Variants in TANC1 observed in about 807,000 individuals in gnomAD.
TANC1 encodes the protein tetratricopeptide repeat, ankyrin repeat and coiled-coil containing 1.
In TANC1, 77 loss-of-function variants were observed where a neutral mutation model predicts 149.7. The ratio of observed to expected loss-of-function variants is 0.51; its 90% CI spans 0.43 to 0.62. The LOEUF (loss-of-function observed/expected upper bound fraction) is 0.62, where lower values mean the gene tolerates loss of function less well. Ranked by LOEUF, TANC1 falls within the 20% of genes least tolerant of loss-of-function variation. The pLI is 0.00. For missense variants in TANC1, 1,985 were observed against 2,321.8 expected (o/e 0.85, Z 2.98); for synonymous variants, 854 against 925.0 (o/e 0.92, Z 1.39).
intron 3 of TANC1, among the ~76,000 whole-genome samples, chr2:159,074,211 G>A (rs2043424691): frequency 6.6e-6 from 1 of 152,212 alleles, no homozygotes; most frequent in Non-Finnish European, 1.5e-5. Flanking sequence ...CCACAGTGCA[G>A]TGGGTAAAGG....
chr2:159,085,939 CAG>C (rs2044795694), intron 3 of TANC1, among the ~76,000 whole-genome samples: 1 of 152,170 alleles, frequency 6.6e-6, no homozygotes, highest in South Asian at 2.1e-4. Context: ...AGGAATGAAA[CAG>C]TATGTGAAGT....
intron 22 of TANC1, among the ~76,000 whole-genome samples, chr2:159,221,499 G>A (rs982393478): frequency 3.7e-4 from 57 of 152,198 alleles, no homozygotes; most frequent in Middle Eastern, 6.8e-3. Flanking sequence ...TACCCTTTCC[G>A]CAGGTCCCCC....
rs779179225 is a variant in TANC1 at position 159,230,425 on chromosome 2, G to C, written c.4999G>C (p.Gly1667Arg). The C allele has an allele frequency of 5.0e-6, 8 of 1,614,022 alleles. No individual in the cohort carries two copies. The highest frequency in any genetic ancestry group is 1.1e-5 in the South Asian group (1 of 91,082). ...PASLTSSGSS[G>R]SPSSSIKMSS... ...TTCCCTCACCAGCTCAGGCTCTTCT[G>C]GTTCTCCATCCAGCAGCATAAAGAT... Residue 1667 changes from glycine (G) to arginine (R), a missense_variant, in exon 27 of 27, where the codon GGT becomes CGT. This residue lies in a region of TANC1 where 920 missense variants were observed against 994.7 expected (regional missense o/e 0.92). Transcript: ENST00000263635. This position sits in a 1 kb window ranked among gnomAD's most constrained non-coding sequence, Gnocchi z 4.4.
At chr2:159,114,326 T>C (rs907507165) in intron 4 of TANC1, among the ~76,000 whole-genome samples, 2 of 152,204 alleles carry the variant, frequency 1.3e-5, no homozygotes, top group Admixed American at 6.5e-5. Context: ...AGAAATGATA[T>C]CAGTGGCCAG....
chr2:159,168,135 T>G lies in TANC1; in HGVS notation c.947-1115T>G, dbSNP rs1453654382. Among the ~76,000 whole-genome samples the G allele has an allele frequency of 2.6e-5, 4 of 152,204 alleles. No homozygotes were observed. The East Asian group carries it at 5.8e-4, about 22-fold the overall frequency. ...GTTGGGCTTAACCCATAAACCAAATTAGGTTAATTTTAGATTTTCCTCAAT... is the reference window on the plus strand; with the variant it reads ...GTTGGGCTTAACCCATAAACCAAATGAGGTTAATTTTAGATTTTCCTCAAT... On this transcript the variant is annotated intron_variant, in intron 8 of 26. Coordinates refer to ENST00000263635, the MANE Select transcript of TANC1 (RefSeq NM_033394.3).
chr2:159,035,305 T>C (rs2040098965), intron 2 of TANC1, among the ~76,000 whole-genome samples: 1 of 152,166 alleles, frequency 6.6e-6, no homozygotes. Flanking sequence ...ACCTCCTGTG[T>C]TTTAGGTTTC....
At chr2:159,154,470 G>A (rs1412612461) in intron 7 of TANC1, among the ~76,000 whole-genome samples, 1 of 152,146 alleles carries the variant, frequency 6.6e-6, no homozygotes, top group Admixed American at 6.5e-5. Flanking sequence ...CACTGCTTAG[G>A]AGGAGAAAGG....
In TANC1 at chr2:159,150,178, G is replaced by A. The variant is rs2052622121; in HGVS notation, c.496-192G>A. On this transcript the variant is annotated intron_variant, in intron 6 of 26. Transcript: ENST00000263635. ...CAAAGATACTGCTTTCTCAAAATTT[G>A]GAAGACCACATATACATTTATATAG... 8.9e-6 allele frequency: 4 copies of A among 447,486 alleles called. No homozygotes were observed. The South Asian group carries it at 2.3e-4, about 25-fold the overall frequency. The allele number at this position is 447,486 out of a possible 1,614,324, so 27.7% of individuals were successfully genotyped here.
At chr2:158,991,614 C>T (rs1296854231) in intron 1 of TANC1, among the ~76,000 whole-genome samples, 2 of 151,882 alleles carry the variant, frequency 1.3e-5, no homozygotes, top group Admixed American at 6.6e-5. Context: ...ATTAGCCAGG[C>T]GTGGTGGCGG....
At position 159,034,471 on chromosome 2, in the gene TANC1, G is replaced by A. The variant is rs544941985; in HGVS notation, c.-15-31425G>A. Among the ~76,000 whole-genome samples, 165 of 152,298 alleles carry A rather than the reference G, an allele frequency of 1.1e-3. 2 individuals are homozygous for A. In the South Asian group the frequency reaches 0.013, roughly 12 times the overall value. Reference sequence around the variant, plus strand: ...GGTCGGGTTTGAAAAGCGCCAGTGGGCCCTATTCCCAGAGATCCCGTTTCA... The same window carrying A: ...GGTCGGGTTTGAAAAGCGCCAGTGGACCCTATTCCCAGAGATCCCGTTTCA... On this transcript the variant is annotated intron_variant, in intron 2 of 26. Transcript: ENST00000263635.
chr2:159,044,371 G>C (rs2040880775), intron 2 of TANC1, among the ~76,000 whole-genome samples: 1 of 152,124 alleles, frequency 6.6e-6, no homozygotes. Flanking sequence ...CCAGGAGATT[G>C]AGGCTGCAGT....
chr2:159,105,587 C>T (rs1458697860), intron 4 of TANC1, among the ~76,000 whole-genome samples: 2 of 152,154 alleles, frequency 1.3e-5, no homozygotes, highest in Middle Eastern at 3.2e-3. Flanking sequence ...TATTGAGTCC[C>T]TCTATACCCC....
At chr2:158,990,240 T>TGG (rs2149270981) in intron 1 of TANC1, among the ~76,000 whole-genome samples, 1 of 152,198 alleles carries the variant, frequency 6.6e-6, no homozygotes, top group East Asian at 1.9e-4. Context: ...CCGGCCAAAA[T>TGG]GGGGATCATT....
At position 159,112,884 on chromosome 2, in the gene TANC1, A is replaced by AT. The variant is rs879621625; in HGVS notation, c.259+15062dup. The stretch of plus-strand genomic sequence containing the variant: ...GTGTAAGCCACCACACCCAGCCAGT[A>AT]TTTTTTTTTTTTAAGGTTGTGAAGT... On this transcript the variant is annotated intron_variant, in intron 4 of 26. Transcript: ENST00000263635. Among the ~76,000 whole-genome samples, 964 of 144,274 alleles carry AT rather than the reference A, an allele frequency of 6.7e-3. 5 individuals are homozygous for AT. Among genetic ancestry groups the AT allele is most frequent in the African/African-American group, 0.02 (771 of 39,446 alleles). The allele number at this position is 144,274 out of a possible 152,430, so 94.6% of individuals were successfully genotyped here.
Position 159,231,927 on chromosome 2 carries a change from A to G in TANC1, c.*915A>G, listed in dbSNP as rs2096622426. 6.6e-6 allele frequency: 1 copy of G among 152,502 alleles called. No individual in the cohort carries two copies. The highest frequency in any genetic ancestry group is 2.4e-5 in the African/African-American group (1 of 41,474). 9.4% of individuals were successfully genotyped at this position (152,502 alleles called of 1,614,324 possible). A position where few individuals can be genotyped will look rare whatever the true frequency, so the allele number is the denominator to read the frequency against. On this transcript the variant is annotated 3_prime_UTR_variant, in exon 27 of 27. Transcript: ENST00000263635. ...GTTGTTACTTTTGTTTTGTTGTACA[A>G]TTAGTACTTTATAGTCACATGTTGT... is the stretch of plus-strand genomic sequence containing the variant.
intron 4 of TANC1, among the ~76,000 whole-genome samples, chr2:159,110,755 C>T (rs2047646577): frequency 6.6e-6 from 1 of 152,214 alleles, no homozygotes; most frequent in Non-Finnish European, 1.5e-5. Flanking sequence ...TCTTCAGCTT[C>T]CCTCGTGTGA....
intron 25 of TANC1, 155 bp from the exon 26 acceptor site, chr2:159,228,641 C>T: frequency 1.5e-6 from 1 of 647,660 alleles, no homozygotes; most frequent in South Asian, 1.8e-5. Context: ...ATCATTATCT[C>T]CTCACTTTAA....
chr2:159,220,573 A>C (rs1056097639), intron 22 of TANC1, among the ~76,000 whole-genome samples: 1 of 148,142 alleles, frequency 6.8e-6, no homozygotes, highest in African/African-American at 2.5e-5. Flanking sequence ...AAGTGCTGGG[A>C]TTACAGGCGT....
At chr2:159,023,178 T>C (rs1684743240) in intron 2 of TANC1, among the ~76,000 whole-genome samples, 1 of 152,042 alleles carries the variant, frequency 6.6e-6, no homozygotes, top group African/African-American at 2.4e-5. Context: ...GCTTTTTTTG[T>C]GTGTGGTCTT....
Sources: allele counts gnomAD v4.1 joint callset (sites outside exome capture counted in the v4.1 genomes callset), GRCh38; gene constraint gnomAD v4.1.1; regional missense constraint gnomAD v4.1.1; non-coding constraint Gnocchi (gnomAD v3.1); transcripts MANE v1.5; gene names NCBI Gene and HGNC (gene_info 2026-07-23, HGNC 2026-07-21).